The following BCKDHB variants were observed in gnomAD, a reference collection of about 807,000 sequenced individuals.
The protein encoded by BCKDHB is branched chain keto acid dehydrogenase E1 subunit beta.
Under a neutral mutation model 48.5 loss-of-function variants are expected in BCKDHB, and 41 were observed. The ratio of observed to expected loss-of-function variants is 0.85; its 90% confidence interval spans 0.66 to 1.10. The LOEUF (loss-of-function observed/expected upper bound fraction) is 1.10. BCKDHB is among the 50% of genes least tolerant of loss of function. The pLI is 0.00. For synonymous variants in BCKDHB, 201 were observed against 174.8 expected, an observed-to-expected ratio of 1.15 and a Z score of -1.18; for missense variants, 496 against 494.2, an observed-to-expected ratio of 1.00 and a Z score of -0.03.
chr6:80,441,980 G>A, the BCKDHB span, among the ~76,000 whole-genome samples: 1 of 152,030 alleles, frequency 6.6e-6, no homozygotes, highest in African/African-American at 2.4e-5. Flanking sequence ...TGCAATAAGA[G>A]CATATAAATG....
At chr6:80,292,502 A>AGTTAC (rs1226943513) in intron 9 of BCKDHB, among the ~76,000 whole-genome samples, 1 of 152,088 alleles carries the variant, frequency 6.6e-6, no homozygotes, top group African/African-American at 2.4e-5. Context: ...CCCATGATTC[A>AGTTAC]GTTACCTCCC....
chr6:80,368,112 T>A, the BCKDHB span, among the ~76,000 whole-genome samples: 8 of 152,150 alleles, frequency 5.3e-5, no homozygotes, highest in Non-Finnish European at 1.0e-4. Flanking sequence ...ATCTTCTCTT[T>A]GTACATTTCA....
chr6:80,146,802 A>G (rs1447038762), intron 3 of BCKDHB, among the ~76,000 whole-genome samples: 1 of 152,124 alleles, frequency 6.6e-6, no homozygotes, highest in Non-Finnish European at 1.5e-5. Context: ...GCTTCCCTCT[A>G]CCACCTGGAA....
At chr6:80,323,258 C>G (rs1474667014) in intron 9 of BCKDHB, among the ~76,000 whole-genome samples, 1 of 152,164 alleles carries the variant, frequency 6.6e-6, no homozygotes, top group Non-Finnish European at 1.5e-5. Context: ...TTTGGTTACA[C>G]AAACCCACTT....
At chr6:80,266,980 G>GACC (rs1290768413) in intron 8 of BCKDHB, among the ~76,000 whole-genome samples, 1 of 151,708 alleles carries the variant, frequency 6.6e-6, no homozygotes, top group Admixed American at 6.6e-5. Flanking sequence ...ATAGTATAGA[G>GACC]ACCACCACCA....
intron 8 of BCKDHB, among the ~76,000 whole-genome samples, chr6:80,236,862 A>G (rs1582414875): frequency 6.6e-6 from 1 of 152,322 alleles, no homozygotes; most frequent in Non-Finnish European, 1.5e-5. Context: ...AAAAATACAG[A>G]ATTTTGCAGA....
chr6:80,393,199 A>G, the BCKDHB span, among the ~76,000 whole-genome samples: 1 of 152,142 alleles, frequency 6.6e-6, no homozygotes, highest in Non-Finnish European at 1.5e-5. Context: ...TTATTTTGAT[A>G]TAGCTATCAC....
chr6:80,439,552 A>G, the BCKDHB span, among the ~76,000 whole-genome samples: 1 of 152,194 alleles, frequency 6.6e-6, no homozygotes, highest in Non-Finnish European at 1.5e-5. Context: ...CTTAAAACGA[A>G]GTTCCCAAGA....
intron 6 of BCKDHB, among the ~76,000 whole-genome samples, chr6:80,177,037 C>T (rs1241420615): frequency 6.0e-5 from 9 of 151,236 alleles, no homozygotes; most frequent in Non-Finnish European, 1.3e-4. Flanking sequence ...CCAGCCTGGG[C>T]AATATGGTAA....
chr6:80,318,686 T>TAAAA (rs756830332), intron 9 of BCKDHB, among the ~76,000 whole-genome samples: 1 of 117,208 alleles, frequency 8.5e-6, no homozygotes, highest in South Asian at 2.7e-4. Context: ...CTCTCTCTCT[T>TAAAA]AAAAAAAAAA....
chr6:80,298,019 T>G (rs1013331877), intron 9 of BCKDHB, among the ~76,000 whole-genome samples: 2 of 152,220 alleles, frequency 1.3e-5, no homozygotes, highest in African/African-American at 4.8e-5. Flanking sequence ...CCTCTGTTTT[T>G]TTCAAGGAGT....
intron 9 of BCKDHB, among the ~76,000 whole-genome samples, chr6:80,309,878 C>T (rs924570703): frequency 8.5e-5 from 13 of 152,100 alleles, no homozygotes; most frequent in African/African-American, 3.1e-4. Context: ...TCAAGTAGGC[C>T]TCAGTGGTTT....
chr6:80,192,897 C>A (rs1212124225), intron 6 of BCKDHB, among the ~76,000 whole-genome samples: 1 of 151,324 alleles, frequency 6.6e-6, no homozygotes, highest in Non-Finnish European at 1.5e-5. Flanking sequence ...CAGCTCACTG[C>A]AACCTCCATC....
chr6:80,175,444 A>T (rs1034179285), intron 6 of BCKDHB, among the ~76,000 whole-genome samples: 1 of 152,228 alleles, frequency 6.6e-6, no homozygotes, highest in Admixed American at 6.5e-5. Context: ...AATTACTTGC[A>T]TGGTTTCCAA....
At chr6:80,107,795 C>T (rs921404618) in intron 1 of BCKDHB, among the ~76,000 whole-genome samples, 2 of 151,974 alleles carry the variant, frequency 1.3e-5, no homozygotes, top group African/African-American at 2.4e-5. Flanking sequence ...GCAAACTCCT[C>T]ATAGTATGAC....
the BCKDHB span, among the ~76,000 whole-genome samples, chr6:80,403,232 C>A: frequency 6.6e-6 from 1 of 151,798 alleles, no homozygotes; most frequent in Non-Finnish European, 1.5e-5. Context: ...AATCTATGAA[C>A]GTGGGATATC....
chr6:80,204,544 G>A (rs1774546833), intron 8 of BCKDHB, among the ~76,000 whole-genome samples: 1 of 152,010 alleles, frequency 6.6e-6, no homozygotes, highest in Admixed American at 6.6e-5. Context: ...TTATCCTGGG[G>A]TTTGTATTTT....
intron 9 of BCKDHB, among the ~76,000 whole-genome samples, chr6:80,314,361 ACTGAGGACCC>A (rs1251784771): frequency 6.6e-6 from 1 of 152,208 alleles, no homozygotes; most frequent in Non-Finnish European, 1.5e-5. Flanking sequence ...GCTGTACTTT[ACTGAGGACCC>A]CTTTTGTCCC....
chr6:80,307,699 CTG>C (rs765872756), intron 9 of BCKDHB: 110 of 973,308 alleles, frequency 1.1e-4, no homozygotes, highest in African/African-American at 8.4e-4. Context: ...ACACACAACA[CTG>C]TGTAAATGTC....
Sources: gnomAD v4.1 joint callset for allele counts (sites outside exome capture counted in the v4.1 genomes callset) on GRCh38, gnomAD v4.1.1 for gene constraint, MANE v1.5 for transcripts, NCBI Gene and HGNC (gene_info 2026-07-23, HGNC 2026-07-21) for gene names.